Variants in NSMCE2 observed in about 807,000 individuals in gnomAD.
NSMCE2 encodes E3 SUMO-protein ligase NSE2.
Under a neutral mutation model 23.8 loss-of-function variants are expected in NSMCE2, and 24 were observed. The observed-to-expected ratio is 1.01, with a 90% CI of 0.73 to 1.42. NSMCE2 has a LOEUF of 1.42. Ranked by LOEUF, NSMCE2 falls within the 40% of genes most tolerant of loss-of-function variation. NSMCE2 has a pLI of 0.00. For missense variants in NSMCE2, 284 were observed against 296.5 expected, an observed-to-expected ratio of 0.96 and a Z score of 0.31; for synonymous variants, 92 against 94.1, an observed-to-expected ratio of 0.98 and a Z score of 0.13.
chr8:125,101,596 A>G (rs1429631948), intron 1 of NSMCE2, among the ~76,000 whole-genome samples: 1 of 152,216 alleles, frequency 6.6e-6, no homozygotes, highest in South Asian at 2.1e-4. Flanking sequence ...TTGAGTTTCA[A>G]ATGGCTTCTG....
At chr8:125,168,706 T>TA (rs1268824541) in intron 4 of NSMCE2, among the ~76,000 whole-genome samples, 1 of 152,216 alleles carries the variant, frequency 6.6e-6, no homozygotes, top group Non-Finnish European at 1.5e-5. Context: ...CACCTCCTAA[T>TA]ACCATCACCT....
intron 5 of NSMCE2, among the ~76,000 whole-genome samples, chr8:125,192,851 T>C (rs1268553967): frequency 1.3e-5 from 2 of 152,212 alleles, no homozygotes; most frequent in African/African-American, 4.8e-5. Flanking sequence ...CAGATGATGA[T>C]AGATGATGAT....
At chr8:125,250,447 CTG>C (rs1415520790) in intron 5 of NSMCE2, among the ~76,000 whole-genome samples, 1 of 152,108 alleles carries the variant, frequency 6.6e-6, no homozygotes, top group Non-Finnish European at 1.5e-5. Context: ...TGATATATTG[CTG>C]TGGAAATGTT....
intron 5 of NSMCE2, among the ~76,000 whole-genome samples, chr8:125,353,343 G>A (rs1813117300): frequency 6.6e-6 from 1 of 152,190 alleles, no homozygotes. Context: ...GCTTTGAAAA[G>A]TAAATCCAAG....
chr8:125,188,051 T>C (rs1371317345), intron 5 of NSMCE2, among the ~76,000 whole-genome samples: 1 of 152,172 alleles, frequency 6.6e-6, no homozygotes, highest in Admixed American at 6.5e-5. Context: ...TATAGAGACA[T>C]AGGAATTCAC....
intron 5 of NSMCE2, among the ~76,000 whole-genome samples, chr8:125,262,937 T>C (rs56920013): frequency 0.14 from 21,629 of 152,104 alleles, 2,647 homozygotes; most frequent in African/African-American, 0.34. Flanking sequence ...CGAAAAAAGG[T>C]TGAAGATGAG....
chr8:125,182,176 G>A lies in NSMCE2; in HGVS notation c.338G>A (p.Ser113Asn). ...LVEKKFLALQ[S>N]KNSDADFQNN... The stretch of plus-strand genomic sequence containing the variant: ...GAGAAGAAATTTTTGGCTTTACAGA[G>A]CAAGAATTCTGATGCAGACTTTCAA... Residue 113 changes from serine to asparagine, a missense_variant, in exon 5 of 8, where the codon AGC becomes AAC. Physicochemically the swap from Ser to Asn is conservative, Grantham distance 46 (BLOSUM62 1). Transcript: ENST00000287437. The A allele has an allele frequency of 6.2e-7, 1 of 1,605,812 alleles. No individual in the cohort carries two copies. Among genetic ancestry groups the A allele is most frequent in the Non-Finnish European group, 8.5e-7 (1 of 1,174,990 alleles).
intron 4 of NSMCE2, among the ~76,000 whole-genome samples, chr8:125,161,522 G>A (rs1205502858): frequency 6.6e-6 from 1 of 152,154 alleles, no homozygotes; most frequent in Admixed American, 6.6e-5. Flanking sequence ...TAAAGGCTGG[G>A]TGTGGTGGCT....
intron 5 of NSMCE2, among the ~76,000 whole-genome samples, chr8:125,208,620 A>G (rs1403680602): frequency 2.6e-5 from 4 of 152,248 alleles, no homozygotes; most frequent in African/African-American, 9.6e-5. Context: ...TAGAAAAAGA[A>G]TAGGAGGAGA....
intron 3 of NSMCE2, among the ~76,000 whole-genome samples, chr8:125,116,821 A>G (rs910861655): frequency 1.2e-4 from 18 of 151,782 alleles, no homozygotes; most frequent in Non-Finnish European, 1.0e-4. Flanking sequence ...AATTATCACT[A>G]TATGGGCCAA....
intron 5 of NSMCE2, among the ~76,000 whole-genome samples, chr8:125,301,549 A>G (rs1828563178): frequency 6.6e-6 from 1 of 152,086 alleles, no homozygotes. Flanking sequence ...TTGTTAGGAG[A>G]CAGCGTCCCA....
chr8:125,296,796 A>G (rs1246422026), intron 5 of NSMCE2, among the ~76,000 whole-genome samples: 4 of 152,162 alleles, frequency 2.6e-5, no homozygotes, highest in African/African-American at 9.7e-5. Flanking sequence ...AAGCAAACTC[A>G]AGGCTGGGCA....
intron 5 of NSMCE2, among the ~76,000 whole-genome samples, chr8:125,339,678 G>T (rs943722121): frequency 5.9e-5 from 9 of 151,944 alleles, no homozygotes; most frequent in African/African-American, 2.2e-4. Context: ...TCACATTTTT[G>T]CCTTTGCTCA....
At chr8:125,331,761 A>G (rs556542195) in intron 5 of NSMCE2, among the ~76,000 whole-genome samples, 49 of 152,324 alleles carry the variant, frequency 3.2e-4, no homozygotes, top group Admixed American at 1.1e-3. Context: ...ACTTTCTTTC[A>G]AATTTCAGTC....
At position 125,254,762 on chromosome 8, in the gene NSMCE2, T is replaced by C. The variant is rs994421357; in HGVS notation, c.418+72506T>C. 6.6e-5 allele frequency among the ~76,000 whole-genome samples: 10 copies of C among 152,288 alleles called. No homozygotes were observed. The Middle Eastern group carries it at 0.01, about 155-fold the overall frequency. On this transcript the variant is annotated intron_variant, in intron 5 of 7. Transcript: ENST00000287437. ...CTGGAATCAACCTCCTTGGTGCAAA[T>C]GACTGAGACTGTGACGTTCTATGGA...
chr8:125,336,035 C>T (rs915884512), intron 5 of NSMCE2, among the ~76,000 whole-genome samples: 2 of 152,134 alleles, frequency 1.3e-5, no homozygotes, highest in African/African-American at 4.8e-5. Context: ...GATGTTATCA[C>T]ACAGCACCTT....
At position 125,126,493 on chromosome 8, in the gene NSMCE2, G is replaced by T. The variant is rs535423071; in HGVS notation, c.157+24006G>T. ...TTCAGGGAACTGCATGTTAACTTCAGGTTGGGCCTTTCCAAGAATTTTACC... is the reference window on the plus strand; with the variant it reads ...TTCAGGGAACTGCATGTTAACTTCATGTTGGGCCTTTCCAAGAATTTTACC... On this transcript the variant is annotated intron_variant, in intron 3 of 7. Transcript: ENST00000287437. Among the ~76,000 whole-genome samples, 26 of 152,234 alleles carry T rather than the reference G, an allele frequency of 1.7e-4. No individual in the cohort carries two copies. The South Asian group carries it at 2.3e-3, about 13-fold the overall frequency.
At chr8:125,092,943 A>T (rs1817740303) in intron 1 of NSMCE2, among the ~76,000 whole-genome samples, 1 of 152,198 alleles carries the variant, frequency 6.6e-6, no homozygotes, top group Non-Finnish European at 1.5e-5. Context: ...GCTTAAGAGC[A>T]TCCCTGGCCT....
chr8:125,111,616 A>G (rs912658772), intron 3 of NSMCE2, among the ~76,000 whole-genome samples: 2 of 152,190 alleles, frequency 1.3e-5, no homozygotes, highest in African/African-American at 2.4e-5. Context: ...CCTGGCCAAC[A>G]TGGTGAAACC....
Sources: allele counts gnomAD v4.1 joint callset (sites outside exome capture counted in the v4.1 genomes callset), GRCh38; gene constraint gnomAD v4.1.1; transcripts MANE v1.5; gene names NCBI Gene and HGNC (gene_info 2026-07-23, HGNC 2026-07-21).